The following CFAP299 variants were observed in gnomAD, a reference collection of about 807,000 sequenced individuals.
The protein encoded by CFAP299 is cilia- and flagella-associated protein 299.
In CFAP299, 21 loss-of-function variants were observed where a neutral mutation model predicts 27.0. That is an observed-to-expected ratio of 0.78 (90% CI 0.55 to 1.12). The LOEUF is 1.12. Among genes scored for constraint, CFAP299 ranks in the 50% most tolerant of loss-of-function variants. CFAP299 has a pLI of 0.00. For synonymous variants in CFAP299, 104 were observed against 98.1 expected, an observed-to-expected ratio of 1.06 and a Z score of -0.36; for missense variants, 310 against 276.6, an observed-to-expected ratio of 1.12 and a Z score of -0.86.
chr4:80,922,320 A>G (rs1736086944), intron 4 of CFAP299, among the ~76,000 whole-genome samples: 2 of 152,046 alleles, frequency 1.3e-5, no homozygotes, highest in Admixed American at 1.3e-4. Flanking sequence ...TTGGGAGATA[A>G]GCTTTTACTT....
At chr4:80,714,834 C>T (rs781020043) in intron 3 of CFAP299, among the ~76,000 whole-genome samples, 1 of 152,012 alleles carries the variant, frequency 6.6e-6, no homozygotes, top group Non-Finnish European at 1.5e-5. Context: ...ACTTCCAGAC[C>T]ATACCATGTA....
At chr4:80,813,814 T>TA in intron 3 of CFAP299, among the ~76,000 whole-genome samples, 1 of 152,036 alleles carries the variant, frequency 6.6e-6, no homozygotes, top group South Asian at 2.1e-4. Context: ...CCTGATGCAG[T>TA]AAAAACTTTG....
rs1164544968 is a variant in CFAP299 at position 80,628,263 on chromosome 4, G to A, written c.333+45080G>A. On this transcript the variant is annotated intron_variant, in intron 3 of 5. Transcript: ENST00000358105. Reference sequence around the variant, plus strand: ...CAGCCCTTTCAATAAATGCTTTTGGGAAAACAGGATATTCACAGGCAGAAA... The same window carrying A: ...CAGCCCTTTCAATAAATGCTTTTGGAAAAACAGGATATTCACAGGCAGAAA... Among the ~76,000 whole-genome samples the A allele has an allele frequency of 2.0e-5, 3 of 152,002 alleles. No homozygotes were observed. In the East Asian group the frequency reaches 5.8e-4, roughly 29 times the overall value.
At chr4:80,445,982 G>A (rs992749948) in intron 2 of CFAP299, among the ~76,000 whole-genome samples, 1 of 152,092 alleles carries the variant, frequency 6.6e-6, no homozygotes, top group Non-Finnish European at 1.5e-5. Flanking sequence ...CTTTCACTCC[G>A]CCTGAAAGTT....
intron 3 of CFAP299, among the ~76,000 whole-genome samples, chr4:80,667,024 C>T (rs563683515): frequency 3.7e-4 from 57 of 152,298 alleles, no homozygotes; most frequent in African/African-American, 1.3e-3. Context: ...TCAGCTTAAA[C>T]TCACTTGAAT....
At chr4:80,415,312 C>G (rs1315519623) in intron 2 of CFAP299, among the ~76,000 whole-genome samples, 1 of 152,080 alleles carries the variant, frequency 6.6e-6, no homozygotes, top group African/African-American at 2.4e-5. Flanking sequence ...TGAGCATTCC[C>G]CCAAATAAGT....
chr4:80,680,673 A>C (rs1191566622), intron 3 of CFAP299, among the ~76,000 whole-genome samples: 1 of 152,186 alleles, frequency 6.6e-6, no homozygotes, highest in Non-Finnish European at 1.5e-5. Flanking sequence ...TTTTACAGTA[A>C]AAACTTGAAA....
intron 5 of CFAP299, among the ~76,000 whole-genome samples, chr4:80,951,459 A>T (rs979607590): frequency 3.3e-5 from 5 of 152,202 alleles, no homozygotes; most frequent in Non-Finnish European, 7.3e-5. Context: ...AATTGTTCAA[A>T]CATAACAGTG....
chr4:80,521,620 C>T (rs1732917251), intron 2 of CFAP299, among the ~76,000 whole-genome samples: 1 of 151,930 alleles, frequency 6.6e-6, no homozygotes, highest in Admixed American at 6.6e-5. Flanking sequence ...CACCACTTCC[C>T]CTTTCCCCTA....
At chr4:80,712,432 A>G (rs432324) in intron 3 of CFAP299, among the ~76,000 whole-genome samples, 119,824 of 152,126 alleles carry the variant, frequency 0.79, 49,431 homozygotes, top group East Asian at 0.97. Context: ...AACATAAAGC[A>G]TGACAAAGAC....
At chr4:80,578,533 C>T (rs990091815) in intron 2 of CFAP299, among the ~76,000 whole-genome samples, 13 of 151,948 alleles carry the variant, frequency 8.6e-5, no homozygotes, top group African/African-American at 3.1e-4. Context: ...TCTATGTATG[C>T]GAGACTTGCA....
At chr4:80,954,894 G>C (rs1737975110) in intron 5 of CFAP299, among the ~76,000 whole-genome samples, 1 of 149,448 alleles carries the variant, frequency 6.7e-6, no homozygotes, top group Non-Finnish European at 1.5e-5. Context: ...CAGCTACTTG[G>C]GAGGCTGAGG....
chr4:80,356,148 T>C (rs1200940566), intron 1 of CFAP299, among the ~76,000 whole-genome samples: 1 of 152,078 alleles, frequency 6.6e-6, no homozygotes, highest in Admixed American at 6.6e-5. Flanking sequence ...TAGATGGTTG[T>C]AGACATGTGG....
intron 3 of CFAP299, among the ~76,000 whole-genome samples, chr4:80,731,883 C>G (rs1477095065): frequency 6.6e-6 from 1 of 152,092 alleles, no homozygotes; most frequent in Non-Finnish European, 1.5e-5. Flanking sequence ...ATGGCCCTTT[C>G]CTGATTTGTT....
At chr4:80,327,690 T>TTA in the CFAP299 span, among the ~76,000 whole-genome samples, 2,325 of 51,062 alleles carry the variant, frequency 0.046, 105 homozygotes, top group South Asian at 0.056. Flanking sequence ...TAGAGAGAAG[T>TTA]TATATATATA....
chr4:80,688,744 C>T (rs1345614451), intron 3 of CFAP299, among the ~76,000 whole-genome samples: 9 of 152,128 alleles, frequency 5.9e-5, no homozygotes, highest in Admixed American at 2.6e-4. Context: ...CAAATTACTC[C>T]GAGCTACGGG....
intron 2 of CFAP299, among the ~76,000 whole-genome samples, chr4:80,421,959 A>C (rs1578424580): frequency 6.6e-6 from 1 of 152,190 alleles, no homozygotes; most frequent in Non-Finnish European, 1.5e-5. Context: ...CATGACATAG[A>C]AACTACTAGT....
At chr4:80,571,627 AC>A (rs1201714123) in intron 2 of CFAP299, among the ~76,000 whole-genome samples, 1 of 151,848 alleles carries the variant, frequency 6.6e-6, no homozygotes, top group African/African-American at 2.4e-5. Context: ...TGAAATCCTA[AC>A]CCCAAATATC....
At chr4:80,480,091 T>TA (rs1480713402) in intron 2 of CFAP299, among the ~76,000 whole-genome samples, 3 of 151,906 alleles carry the variant, frequency 2.0e-5, no homozygotes, top group East Asian at 1.9e-4. Flanking sequence ...CATTTTTTTT[T>TA]AAAAAAGTTG....
Sources: gnomAD v4.1 joint callset for allele counts (sites outside exome capture counted in the v4.1 genomes callset) on GRCh38, gnomAD v4.1.1 for gene constraint, MANE v1.5 for transcripts, NCBI Gene and HGNC (gene_info 2026-07-23, HGNC 2026-07-21) for gene names.